Variants in ARHGAP24 observed in about 807,000 individuals in gnomAD.
The protein encoded by ARHGAP24 is rho GTPase-activating protein 24.
A neutral mutation model predicts 76.4 loss-of-function variants in ARHGAP24; 50 were observed. That is an observed-to-expected ratio of 0.65 (90% CI 0.52 to 0.83). The LOEUF (loss-of-function observed/expected upper bound fraction) is 0.83. Ranked by LOEUF, ARHGAP24 falls within the 40% of genes least tolerant of loss-of-function variation. The pLI, the probability that ARHGAP24 is intolerant of heterozygous loss-of-function variation, is 0.00. For synonymous variants in ARHGAP24, 345 were observed against 323.3 expected, an observed-to-expected ratio of 1.07 and a Z score of -0.72; for missense variants, 930 against 914.2, an observed-to-expected ratio of 1.02 and a Z score of -0.22.
intron 3 of ARHGAP24, among the ~76,000 whole-genome samples, chr4:85,856,968 G>A (rs977345826): frequency 4.6e-5 from 7 of 151,830 alleles, no homozygotes; most frequent in African/African-American, 4.8e-5. Flanking sequence ...TAAACATCTC[G>A]TGAATGTAGA....
At chr4:85,894,286 A>T (rs1158243776) in intron 3 of ARHGAP24, among the ~76,000 whole-genome samples, 2 of 152,110 alleles carry the variant, frequency 1.3e-5, no homozygotes, top group African/African-American at 4.8e-5. Flanking sequence ...CCAAGCTTAC[A>T]GGAGCAAATA....
At chr4:85,497,962 C>T (rs1723647129) in intron 1 of ARHGAP24, among the ~76,000 whole-genome samples, 1 of 152,192 alleles carries the variant, frequency 6.6e-6, no homozygotes, top group African/African-American at 2.4e-5. Context: ...TTTCCTTCTC[C>T]AACTTGTAAA....
chr4:85,537,542 T>G (rs1269488054), intron 1 of ARHGAP24, among the ~76,000 whole-genome samples: 1 of 152,110 alleles, frequency 6.6e-6, no homozygotes, highest in Non-Finnish European at 1.5e-5. Flanking sequence ...TTTTGAAAAT[T>G]TTCCTAGGGT....
rs756950646 is a variant in ARHGAP24, at chr4:85,994,904, C to A, written c.1250C>A (p.Pro417His). Residue 417 changes from proline (P) to histidine (H), a missense_variant, in exon 9 of 10, where the codon CCT becomes CAT. By Grantham distance (77) the Pro-to-His change is moderately conservative (BLOSUM62 -2). Transcript: ENST00000395184. ...VHKLDVSRSP[P>H]LMVKKNPAFN... is the part of the protein sequence containing the mutation. ...AAGCTAGATGTGTCTAGAAGCCCCCCTCTCATGGTCAAAAAGAACCCAGCC... is the reference window on the plus strand; with the variant it reads ...AAGCTAGATGTGTCTAGAAGCCCCCATCTCATGGTCAAAAAGAACCCAGCC... 9.3e-6 allele frequency: 15 copies of A among 1,613,970 alleles called. No individual in the cohort carries two copies. Among genetic ancestry groups the A allele is most frequent in the African/African-American group, 1.3e-5 (1 of 74,882 alleles).
intron 4 of ARHGAP24, among the ~76,000 whole-genome samples, chr4:85,931,853 T>C (rs1736353077): frequency 6.6e-6 from 1 of 152,224 alleles, no homozygotes; most frequent in Admixed American, 6.5e-5. Flanking sequence ...TAAGTAATTA[T>C]AATGTTAATG....
At chr4:85,728,395 A>G (rs929771957) in intron 3 of ARHGAP24, among the ~76,000 whole-genome samples, 1 of 151,316 alleles carries the variant, frequency 6.6e-6, no homozygotes, top group African/African-American at 2.4e-5. Flanking sequence ...CCTCTCTCTC[A>G]CTCTTTATCT....
intron 3 of ARHGAP24, among the ~76,000 whole-genome samples, chr4:85,841,407 A>G (rs555709308): frequency 2.8e-4 from 42 of 152,322 alleles, no homozygotes; most frequent in Non-Finnish European, 5.4e-4. Context: ...CTTATCTTAG[A>G]TAAGTCATCT....
At chr4:85,578,480 G>T (rs954003999) in intron 2 of ARHGAP24, among the ~76,000 whole-genome samples, 2 of 152,186 alleles carry the variant, frequency 1.3e-5, no homozygotes, top group African/African-American at 4.8e-5. Flanking sequence ...GATTTGTCCG[G>T]TATAGGCACT....
chr4:85,577,655 G>A (rs923505684), intron 2 of ARHGAP24, among the ~76,000 whole-genome samples: 6 of 152,136 alleles, frequency 3.9e-5, no homozygotes, highest in African/African-American at 1.4e-4. Flanking sequence ...ATTCTAGTGG[G>A]TATTAGGCAT....
intron 2 of ARHGAP24, among the ~76,000 whole-genome samples, chr4:85,605,722 G>T (rs1720171665): frequency 6.6e-6 from 1 of 152,122 alleles, no homozygotes; most frequent in South Asian, 2.1e-4. Flanking sequence ...ATATACAGGG[G>T]AATGTTTATA....
At chr4:85,855,586 G>A (rs1233083738) in intron 3 of ARHGAP24, among the ~76,000 whole-genome samples, 1 of 152,070 alleles carries the variant, frequency 6.6e-6, no homozygotes, top group Non-Finnish European at 1.5e-5. Flanking sequence ...GAGGTCAGCA[G>A]TTCGAGACCA....
chr4:85,743,392 CAAAAAAAAAAAAAAAAAAAAAAAAAAA>C (rs774717006), intron 3 of ARHGAP24, among the ~76,000 whole-genome samples: 2 of 43,346 alleles, frequency 4.6e-5, no homozygotes, highest in South Asian at 1.3e-3. Flanking sequence ...GATCCCATCT[CAAAAAAAAAAAAAAAAAAAAAAAAAAA>C]AAAAAAAAAA....
chr4:85,887,654 G>A (rs1033063992), intron 3 of ARHGAP24, among the ~76,000 whole-genome samples: 8 of 152,010 alleles, frequency 5.3e-5, no homozygotes, highest in Non-Finnish European at 7.4e-5. Flanking sequence ...ACATAAAAAC[G>A]TTTCTCCATG....
intron 3 of ARHGAP24, among the ~76,000 whole-genome samples, chr4:85,897,490 A>G (rs530326065): frequency 2.6e-5 from 4 of 152,184 alleles, no homozygotes; most frequent in African/African-American, 7.2e-5. Context: ...TATTACTACT[A>G]ATTTCTAAAA....
chr4:85,599,437 A>G (rs1334830181), intron 2 of ARHGAP24, among the ~76,000 whole-genome samples: 1 of 152,122 alleles, frequency 6.6e-6, no homozygotes, highest in Non-Finnish European at 1.5e-5. Context: ...ATGCTAGGAA[A>G]ATCATCCTTC....
intron 3 of ARHGAP24, among the ~76,000 whole-genome samples, chr4:85,916,618 T>C (rs747829663): frequency 1.3e-5 from 2 of 152,156 alleles, no homozygotes; most frequent in South Asian, 2.1e-4. Context: ...CTGTAGTCTG[T>C]AATAAAATGG....
chr4:85,527,204 AATG>A (rs1253007655), intron 1 of ARHGAP24, among the ~76,000 whole-genome samples: 1 of 152,144 alleles, frequency 6.6e-6, no homozygotes, highest in Admixed American at 6.6e-5. Context: ...TCTCATTAAT[AATG>A]CATTATAATT....
At chr4:85,608,404 C>T (rs1377187633) in intron 2 of ARHGAP24, among the ~76,000 whole-genome samples, 1 of 152,032 alleles carries the variant, frequency 6.6e-6, no homozygotes, top group African/African-American at 2.4e-5. Context: ...CTTTGTGGTC[C>T]ACTGACATTA....
chr4:85,495,433 C>G (rs1723535819), intron 1 of ARHGAP24, among the ~76,000 whole-genome samples: 1 of 146,890 alleles, frequency 6.8e-6, no homozygotes, highest in East Asian at 2.0e-4. Flanking sequence ...TCACTGCAAG[C>G]CTTGCCTCCC....
Sources: gnomAD v4.1 joint callset for allele counts (sites outside exome capture counted in the v4.1 genomes callset) on GRCh38, gnomAD v4.1.1 for gene constraint, MANE v1.5 for transcripts, NCBI Gene and HGNC (gene_info 2026-07-23, HGNC 2026-07-21) for gene names.